EPS8: variants seen among roughly 807,000 people sequenced by gnomAD.
The protein encoded by EPS8 is epidermal growth factor receptor kinase substrate 8.
In EPS8, 42 loss-of-function variants were observed where a neutral mutation model predicts 103.8. The observed-to-expected ratio is 0.40, with a 90% CI of 0.32 to 0.52. The LOEUF is 0.52. Among genes scored for constraint, EPS8 ranks in the 20% least tolerant of loss-of-function variants. EPS8 has a pLI of 0.40. For missense variants in EPS8, 969 were observed against 1,005.1 expected (o/e 0.96, Z 0.49); for synonymous variants, 344 against 344.6 (o/e 1.00, Z 0.02).
chr12:15,641,527 A>G (rs899493330), intron 16 of EPS8, among the ~76,000 whole-genome samples, 195 bp downstream of exon 16: 3 of 152,158 alleles, frequency 2.0e-5, no homozygotes, highest in Admixed American at 1.3e-4. Context: ...CCCACAAAAA[A>G]CAAATAAAGG....
At chr12:15,672,525 AAAAG>A in intron 3 of EPS8, 1 of 398,406 alleles carries the variant, frequency 2.5e-6, no homozygotes, top group Non-Finnish European at 4.4e-6. Flanking sequence ...AATGTCATCA[AAAAG>A]AAAGATCTGG....
At chr12:15,708,436 A>C (rs764747445) in intron 1 of EPS8, among the ~76,000 whole-genome samples, 1 of 152,208 alleles carries the variant, frequency 6.6e-6, no homozygotes, top group East Asian at 1.9e-4. Flanking sequence ...CAAGCCTTGC[A>C]TGTAAATTAT....
Position 15,748,503 on chromosome 12 carries a change from T to C in EPS8, c.-22+40658A>G, listed in dbSNP as rs2136015465. On this transcript the variant is annotated intron_variant, in intron 1 of 20. Coordinates refer to ENST00000281172, the MANE Select transcript of EPS8 (RefSeq NM_004447.6). This position sits in a 1 kb window ranked among gnomAD's most constrained non-coding sequence, Gnocchi z 4.8. ...CAAAACTCTACAGAAACAATTTCAGTGAATTAAGTGTCTGAATACCTACAC... is the reference window on the plus strand; with the variant it reads ...CAAAACTCTACAGAAACAATTTCAGCGAATTAAGTGTCTGAATACCTACAC... Among the ~76,000 whole-genome samples the C allele has an allele frequency of 6.6e-6, 1 of 152,288 alleles. No homozygotes were observed. Among genetic ancestry groups the C allele is most frequent in the South Asian group, 2.1e-4 (1 of 4,830 alleles).
chr12:15,631,606 G>A lies in EPS8; in HGVS notation c.1880C>T (p.Pro627Leu). ...PADTPPAPSP[P>L]PTPAPVPVPL... The stretch of plus-strand genomic sequence containing the variant: ...AACAGGAACAGGAGCTGGTGTTGGA[G>A]GAGGTGATGGAGCAGGGGGAGTATC... The change falls in exon 18 of 21, where the codon CCT becomes CTT. Residue 627 changes from proline (P) to leucine (L), a missense_variant. Pro to Leu is a moderately conservative substitution (Grantham distance 98, BLOSUM62 -3). Transcript: ENST00000281172. The A allele has an allele frequency of 1.2e-6, 2 of 1,614,056 alleles. No individual in the cohort carries two copies. Among genetic ancestry groups the A allele is most frequent in the Non-Finnish European group, 1.7e-6 (2 of 1,179,974 alleles).
intron 1 of EPS8, among the ~76,000 whole-genome samples, chr12:15,689,735 T>C (rs367939526): frequency 2.6e-5 from 4 of 152,202 alleles, no homozygotes; most frequent in African/African-American, 9.7e-5. Context: ...CACCAGAACT[T>C]ATTTCTCCTA....
In EPS8 at chr12:15,696,124, T is replaced by G. The variant is rs775003388; in HGVS notation, c.-21-13152A>C. 2.2e-4 allele frequency among the ~76,000 whole-genome samples: 33 copies of G among 152,152 alleles called. No homozygotes were observed. Among genetic ancestry groups the G allele is most frequent in the Non-Finnish European group, 4.6e-4 (31 of 68,032 alleles). On this transcript the variant is annotated intron_variant, in intron 1 of 20. Coordinates refer to ENST00000281172, the MANE Select transcript of EPS8 (RefSeq NM_004447.6). The surrounding 1 kb of genome is among the most constrained non-coding windows in gnomAD (Gnocchi z 4.8). ...TTAGTCTACCTTTAAAACAAAGAATTTATGCATTTATTGAAAGTGTTTTTA... is the reference window on the plus strand; with the variant it reads ...TTAGTCTACCTTTAAAACAAAGAATGTATGCATTTATTGAAAGTGTTTTTA...
chr12:15,656,291 T>C (rs919606991), intron 12 of EPS8, among the ~76,000 whole-genome samples: 1 of 152,188 alleles, frequency 6.6e-6, no homozygotes, highest in Non-Finnish European at 1.5e-5. Context: ...TCTTTGCATA[T>C]GTATGTCCTT....
chr12:15,669,244 A>G (rs372346631), intron 6 of EPS8, 143 bp downstream of exon 6: 4 of 631,728 alleles, frequency 6.3e-6, no homozygotes, highest in African/African-American at 1.9e-5. Context: ...TAGAGAAGAT[A>G]CTAAGGTATT....
intron 1 of EPS8, among the ~76,000 whole-genome samples, chr12:15,754,739 C>T (rs571992563): frequency 3.3e-5 from 5 of 152,230 alleles, no homozygotes; most frequent in Admixed American, 3.3e-4. Context: ...AAGAAACCAA[C>T]AAAAAAGTCT....
intron 19 of EPS8, among the ~76,000 whole-genome samples, chr12:15,624,017 C>T (rs940432131): frequency 1.3e-5 from 2 of 152,218 alleles, no homozygotes; most frequent in African/African-American, 2.4e-5. Flanking sequence ...ACTACCAATT[C>T]GAAAATGGGG....
In EPS8 at chr12:15,701,767, C is replaced by T. The variant is rs145500761; in HGVS notation, c.-21-18795G>A. Among the ~76,000 whole-genome samples, 177 of 152,224 alleles carry T rather than the reference C, an allele frequency of 1.2e-3. 1 individual carries two copies. The Middle Eastern group carries it at 0.017, about 15-fold the overall frequency. Reference sequence around the variant, plus strand: ...GAAATATCTCACAGACCTATAAAAACACCAAAATGATACTGCCCTGGACAC... The same window carrying T: ...GAAATATCTCACAGACCTATAAAAATACCAAAATGATACTGCCCTGGACAC... On this transcript the variant is annotated intron_variant, in intron 1 of 20. Transcript: ENST00000281172. The surrounding 1 kb of genome is among the most constrained non-coding windows in gnomAD (Gnocchi z 5.1).
intron 1 of EPS8, among the ~76,000 whole-genome samples, chr12:15,715,410 T>TTTTTA (rs1946521354): frequency 6.8e-6 from 1 of 147,796 alleles, no homozygotes. Context: ...TTTTTTTTTT[T>TTTTTA]GAGATGGAGT....
intron 14 of EPS8, among the ~76,000 whole-genome samples, chr12:15,648,992 G>GT (rs1231806390): frequency 6.6e-6 from 1 of 151,964 alleles, no homozygotes; most frequent in South Asian, 2.1e-4. Context: ...GGATGATTAC[G>GT]TTTTTTTGCT....
Position 15,789,007 on chromosome 12 carries a change from C to T in EPS8, c.-22+154G>A, listed in dbSNP as rs920057074. On this transcript the variant is annotated intron_variant, in intron 1 of 20. Transcript: ENST00000281172. The surrounding 1 kb of genome is among the most constrained non-coding windows in gnomAD (Gnocchi z 6.1). ...GGCCGCAGCGCCCTACCGCACCTGG[C>T]TGCCAACACCAGTTGAAAGCAGTCA... 6.6e-6 allele frequency among the ~76,000 whole-genome samples: 1 copy of T among 152,178 alleles called. No homozygotes were observed. Among genetic ancestry groups the T allele is most frequent in the Non-Finnish European group, 1.5e-5 (1 of 68,028 alleles).
At position 15,732,382 on chromosome 12, in the gene EPS8, A is replaced by G. The variant is rs1946726360; in HGVS notation, c.-21-49410T>C. Among the ~76,000 whole-genome samples the G allele has an allele frequency of 2.0e-5, 3 of 152,374 alleles. No individual in the cohort carries two copies. The South Asian group carries it at 6.2e-4, about 32-fold the overall frequency. On this transcript the variant is annotated intron_variant, in intron 1 of 20. Transcript: ENST00000281172. ...ATGAGGAGAAGATATCAGTAATAAC[A>G]ATACTTACATTATTCTGTGAACTTC... is the stretch of plus-strand genomic sequence containing the variant.
At chr12:15,678,090 A>G (rs1350335004) in intron 3 of EPS8, among the ~76,000 whole-genome samples, 1 of 152,134 alleles carries the variant, frequency 6.6e-6, no homozygotes, top group Non-Finnish European at 1.5e-5. Context: ...TATATCATGC[A>G]TACTTCTAGC....
Position 15,776,264 on chromosome 12 carries a change from T to G in EPS8, c.-22+12897A>C, listed in dbSNP as rs1267058202. 6.6e-6 allele frequency among the ~76,000 whole-genome samples: 1 copy of G among 152,162 alleles called. No homozygotes were observed. The highest frequency in any genetic ancestry group is 1.5e-5 in the Non-Finnish European group (1 of 68,032). ...GATCATAGCTAGAAGCTTTTAAATG[T>G]AATTTTGGGGGGAAATAATACACTT... On this transcript the variant is annotated intron_variant, in intron 1 of 20. Transcript: ENST00000281172. The surrounding 1 kb of genome is among the most constrained non-coding windows in gnomAD (Gnocchi z 4.2).
At chr12:15,694,575 T>G (rs1946218464) in intron 1 of EPS8, among the ~76,000 whole-genome samples, 1 of 152,116 alleles carries the variant, frequency 6.6e-6, no homozygotes, top group Non-Finnish European at 1.5e-5. Context: ...CATTCTTTAT[T>G]AATTTTTTCC....
rs1947160116 is a variant in EPS8 at position 15,771,999 on chromosome 12, C to A, written c.-22+17162G>T. On this transcript the variant is annotated intron_variant, in intron 1 of 20. Transcript: ENST00000281172. The surrounding 1 kb of genome is among the most constrained non-coding windows in gnomAD (Gnocchi z 4.6). ...ATTAGCAGGGCATAGTGGCGGGCGCCCGTAGTCTTCATTTGTACCACCCTA... is the reference window on the plus strand; with the variant it reads ...ATTAGCAGGGCATAGTGGCGGGCGCACGTAGTCTTCATTTGTACCACCCTA... 6.6e-6 allele frequency among the ~76,000 whole-genome samples: 1 copy of A among 151,866 alleles called. No individual in the cohort carries two copies. Among genetic ancestry groups the A allele is most frequent in the African/African-American group, 2.4e-5 (1 of 41,322 alleles).
Sources: gnomAD v4.1 joint callset for allele counts (sites outside exome capture counted in the v4.1 genomes callset) on GRCh38, gnomAD v4.1.1 for gene constraint, Gnocchi (gnomAD v3.1) non-coding constraint, MANE v1.5 for transcripts, NCBI Gene and HGNC (gene_info 2026-07-23, HGNC 2026-07-21) for gene names.